SERTAD4: variants seen among roughly 807,000 people sequenced by gnomAD.
The protein encoded by SERTAD4 is SERTA domain-containing protein 4.
SERTAD4 carries 18 observed loss-of-function variants against 32.9 expected under a neutral mutation model. The ratio of observed to expected loss-of-function variants is 0.55; its 90% CI spans 0.38 to 0.81. SERTAD4 has a LOEUF of 0.81. Ranked by LOEUF, SERTAD4 falls within the 30% of genes least tolerant of loss-of-function variation. SERTAD4 has a pLI of 0.00. For synonymous variants in SERTAD4, 150 were observed against 156.4 expected (o/e 0.96, Z 0.30); for missense variants, 383 against 426.0 (o/e 0.90, Z 0.89).
At chr1:210,238,963 A>G (rs2147847356) in intron 2 of SERTAD4, among the ~76,000 whole-genome samples, 1 of 152,278 alleles carries the variant, frequency 6.6e-6, no homozygotes, top group Middle Eastern at 3.4e-3. Flanking sequence ...GTTACCCAAA[A>G]TTTTAACTCA....
intron 1 of SERTAD4, among the ~76,000 whole-genome samples, chr1:210,236,739 G>T (rs1049122065): frequency 2.0e-5 from 3 of 152,232 alleles, no homozygotes; most frequent in Non-Finnish European, 4.4e-5. Context: ...GACGTCACTT[G>T]TGTGACAGTT....
In SERTAD4 at chr1:210,232,996, C is replaced by T. The variant is rs987412995; in HGVS notation, c.-33C>T. ...AGCTCAAGCGCTGCGGCCGCCGCCTCCCCGCTGACCCCGCGGTAAGAGCCG... is the reference window on the plus strand; with the variant it reads ...AGCTCAAGCGCTGCGGCCGCCGCCTTCCCGCTGACCCCGCGGTAAGAGCCG... On this transcript the variant is annotated 5_prime_UTR_variant, in exon 1 of 4. Transcript: ENST00000367012. 6 of 150,784 alleles carry T rather than the reference C, an allele frequency of 4.0e-5. No homozygotes were observed. The highest frequency in any genetic ancestry group is 3.9e-4 in the East Asian group (2 of 5,126). The allele number at this position is 150,784 out of a possible 1,614,324, so 9.3% of individuals were successfully genotyped here. A position where few individuals can be genotyped will look rare whatever the true frequency, so the allele number is the denominator to read the frequency against.
intron 2 of SERTAD4, 87 bp downstream of exon 2, chr1:210,238,222 C>A: frequency 2.5e-6 from 2 of 808,702 alleles, no homozygotes; most frequent in Non-Finnish European, 4.0e-6. Context: ...GTCTGGGGTG[C>A]CCCTCTGAGC....
Position 210,241,827 on chromosome 1 carries a change from T to G in SERTAD4, c.561T>G (p.His187Gln). Residue 187 changes from histidine to glutamine, a missense_variant, in exon 4 of 4, where the codon CAT becomes CAG. Coordinates refer to ENST00000367012, the MANE Select transcript of SERTAD4 (RefSeq NM_019605.5). ...RMAKEECEKF[H>Q]ACCFYQECGG... ...CCAAAGAGGAATGTGAAAAGTTTCA[T>G]GCCTGCTGCTTTTACCAAGAATGTG... is the stretch of plus-strand genomic sequence containing the variant. 1.9e-6 allele frequency: 3 copies of G among 1,614,186 alleles called. No individual in the cohort carries two copies. Among genetic ancestry groups the G allele is most frequent in the Non-Finnish European group, 2.5e-6 (3 of 1,180,008 alleles).
In SERTAD4 at chr1:210,243,284, G is replaced by C. The variant is rs933966577; in HGVS notation, c.*947G>C. 2.9e-6 allele frequency: 1 copy of C among 345,720 alleles called. No individual in the cohort carries two copies. The highest frequency in any genetic ancestry group is 2.3e-5 in the African/African-American group (1 of 44,270). The allele number at this position is 345,720 out of a possible 1,614,324, so 21.4% of individuals were successfully genotyped here. ...AGAGAGAGCTGTTAGAAAGCAGCAC[G>C]GGCTGCTCGAGCTTTTCTATGGCAA... On this transcript the variant is annotated 3_prime_UTR_variant, in exon 4 of 4. Coordinates refer to ENST00000367012, the MANE Select transcript of SERTAD4 (RefSeq NM_019605.5).
intron 1 of SERTAD4, among the ~76,000 whole-genome samples, chr1:210,234,242 C>T (rs2083918421): frequency 6.6e-6 from 1 of 151,840 alleles, no homozygotes; most frequent in Non-Finnish European, 1.5e-5. Flanking sequence ...TGGCTGCCGC[C>T]CGCCTTCAAG....
intron 1 of SERTAD4, 126 bp from the exon 2 acceptor site, chr1:210,237,818 T>C (rs1283182679): frequency 1.5e-6 from 1 of 667,142 alleles, no homozygotes; most frequent in African/African-American, 1.8e-5. Flanking sequence ...TGTTTCAGGG[T>C]AAAGGGGAGG....
intron 1 of SERTAD4, among the ~76,000 whole-genome samples, chr1:210,235,758 C>T (rs2083934848): frequency 6.6e-6 from 1 of 152,152 alleles, no homozygotes; most frequent in Admixed American, 6.5e-5. Flanking sequence ...ATATAATGTC[C>T]TGTTAAACAA....
chr1:210,238,503 C>G (rs1447765509), intron 2 of SERTAD4, among the ~76,000 whole-genome samples: 1 of 152,190 alleles, frequency 6.6e-6, no homozygotes, highest in African/African-American at 2.4e-5. Flanking sequence ...TCAACAATGA[C>G]ACCTTTATCC....
intron 1 of SERTAD4, chr1:210,233,808 A>G: frequency 4.3e-6 from 2 of 470,118 alleles, no homozygotes; most frequent in Non-Finnish European, 8.8e-6. Flanking sequence ...GCGCTCCCGC[A>G]ACCGCGGGCT....
rs938681383 is a variant in SERTAD4 at position 210,237,902 on chromosome 1, G to T, written c.-17-42G>T. ...CGTCCCTTGGCTTGCTCTTGATTAG[G>T]GCTGTTTTCTTCATTCTTGTTTTTT... On this transcript the variant is annotated intron_variant, in intron 1 of 3. Coordinates refer to ENST00000367012, the MANE Select transcript of SERTAD4 (RefSeq NM_019605.5). The T allele has an allele frequency of 3.3e-6, 5 of 1,524,788 alleles. No individual in the cohort carries two copies. In the African/African-American group the frequency reaches 7.0e-5, roughly 21 times the overall value. The allele number at this position is 1,524,788 out of a possible 1,614,324, so 94.5% of individuals were successfully genotyped here.
Position 210,243,112 on chromosome 1 carries a change from A to AAAAAC in SERTAD4, c.*778_*779insACAAA, listed in dbSNP as rs2084016655. 1 of 968,050 alleles carries AAAAAC rather than the reference A, an allele frequency of 1.0e-6. No individual in the cohort carries two copies. The highest frequency in any genetic ancestry group is 1.8e-5 in the African/African-American group (1 of 55,028). The allele number at this position is 968,050 out of a possible 1,614,324, so 60.0% of individuals were successfully genotyped here. On this transcript the variant is annotated 3_prime_UTR_variant, in exon 4 of 4. Transcript: ENST00000367012. ...ACAGGACAAAAAAAAAAAAAAAAAAAAAACCACAGGGTGGATCAATATGGT... is the reference window on the plus strand; with the variant it reads ...ACAGGACAAAAAAAAAAAAAAAAAAAAAAACAAACCACAGGGTGGATCAATATGGT...
Position 210,245,728 on chromosome 1 carries a change from C to T in SERTAD4, c.*3391C>T. 1.2e-6 allele frequency: 1 copy of T among 841,820 alleles called. No individual in the cohort carries two copies. Among genetic ancestry groups the T allele is most frequent in the Non-Finnish European group, 1.4e-6 (1 of 698,986 alleles). The allele number at this position is 841,820 out of a possible 1,614,324, so 52.1% of individuals were successfully genotyped here. A position where few individuals can be genotyped will look rare whatever the true frequency, so the allele number is the denominator to read the frequency against. ...GAGCTCATAGTTAACTCCATCAAGA[C>T]ATGGCTACCCACCCCTCCAGTTATG... On this transcript the variant is annotated 3_prime_UTR_variant, in exon 4 of 4. Coordinates refer to ENST00000367012, the MANE Select transcript of SERTAD4 (RefSeq NM_019605.5).
At position 210,244,478 on chromosome 1, in the gene SERTAD4, A is replaced by T. The variant is rs2084028857; in HGVS notation, c.*2141A>T. 1 of 152,200 alleles carries T rather than the reference A, an allele frequency of 6.6e-6. No homozygotes were observed. Among genetic ancestry groups the T allele is most frequent in the Non-Finnish European group, 1.5e-5 (1 of 68,042 alleles). 9.4% of individuals were successfully genotyped at this position (152,200 alleles called of 1,614,324 possible). A position where few individuals can be genotyped will look rare whatever the true frequency, so the allele number is the denominator to read the frequency against. ...AACTGTGAAGATGACCCATATGTAA[A>T]CAGTTATAACAGCTACAGATTATTG... On this transcript the variant is annotated 3_prime_UTR_variant, in exon 4 of 4. Transcript: ENST00000367012.
chr1:210,233,547 T>C (rs1229921789), intron 1 of SERTAD4: 1 of 396,962 alleles, frequency 2.5e-6, no homozygotes, highest in Non-Finnish European at 4.9e-6. Flanking sequence ...TGACACCTTC[T>C]GTCCCCCGCC....
rs2083957332 is a variant in SERTAD4, at chr1:210,237,943, G to A, written c.-17-1G>A. On this transcript the variant is annotated splice_acceptor_variant, in intron 1 of 3. Coordinates refer to ENST00000367012, the MANE Select transcript of SERTAD4 (RefSeq NM_019605.5). LOFTEE classifies it low-confidence loss of function (5UTR_SPLICE). ...CTTGTTTTTTTTTTTTTTCTTTTCA[G>A]ATCTGAGGCTGTCAGAGATGACTCT... 1 of 1,474,396 alleles carries A rather than the reference G, an allele frequency of 6.8e-7. No homozygotes were observed. The allele number at this position is 1,474,396 out of a possible 1,614,324, so 91.3% of individuals were successfully genotyped here.
In SERTAD4 at chr1:210,238,142, C is replaced by G; in HGVS notation, c.175+7C>G. 1.3e-6 allele frequency: 2 copies of G among 1,578,254 alleles called. No individual in the cohort carries two copies. The highest frequency in any genetic ancestry group is 1.7e-6 in the Non-Finnish European group (2 of 1,162,642). On this transcript the variant is annotated splice_region_variant and intron_variant, in intron 2 of 3. Transcript: ENST00000367012. ...GCTGGTCCCCCACTGGCAGGTATTGCCCTTGACCTGCGCCCATCCCCCCCA... is the reference window on the plus strand; with the variant it reads ...GCTGGTCCCCCACTGGCAGGTATTGGCCTTGACCTGCGCCCATCCCCCCCA...
Position 210,238,028 on chromosome 1 carries a change from C to T in SERTAD4, c.68C>T (p.Ala23Val). 6.2e-7 allele frequency: 1 copy of T among 1,613,816 alleles called. No homozygotes were observed. Among genetic ancestry groups the T allele is most frequent in the Non-Finnish European group, 8.5e-7 (1 of 1,179,936 alleles). Residue 23 changes from alanine (A) to valine (V), a missense_variant, in exon 2 of 4, where the codon GCT becomes GTT. Physicochemically the swap from Ala to Val is moderately conservative, Grantham distance 64 (BLOSUM62 0). This residue lies in a region of SERTAD4 where 96 missense variants were observed against 76.6 expected (regional missense o/e 1.25). Transcript: ENST00000367012. ...GTCTCGGAAGGAGCTGCTGAAATTG[C>T]TGGGTACCAAACACTATGGGAGGCT... ...PIVSEGAAEI[A>V]GYQTLWEADS...
chr1:210,237,769 A>G (rs986065232), intron 1 of SERTAD4, among the ~76,000 whole-genome samples, 175 bp from the exon 2 acceptor site: 6 of 152,186 alleles, frequency 3.9e-5, no homozygotes, highest in East Asian at 3.9e-4. Flanking sequence ...AATAGCAGCT[A>G]GAGAGTTTGC....
Sources: allele counts gnomAD v4.1 joint callset (sites outside exome capture counted in the v4.1 genomes callset), GRCh38; gene constraint gnomAD v4.1.1; regional missense constraint gnomAD v4.1.1; transcripts MANE v1.5; gene names NCBI Gene and HGNC (gene_info 2026-07-23, HGNC 2026-07-21).